Variants in RHPN2 observed in about 807,000 individuals in gnomAD.
The protein encoded by RHPN2 is rhophilin-2.
A neutral mutation model predicts 79.0 loss-of-function variants in RHPN2; 40 were observed. The observed-to-expected ratio is 0.51, with a 90% CI of 0.39 to 0.66. The LOEUF (loss-of-function observed/expected upper bound fraction) is 0.66, where lower values mean the gene tolerates loss of function less well. RHPN2 is among the 30% of genes least tolerant of loss of function. The probability of loss-of-function intolerance (pLI) is 0.00; values close to 1 mark genes in which losing one functional copy is unlikely to be tolerated. For missense variants in RHPN2, 686 were observed against 883.5 expected (o/e 0.78, Z 2.83); for synonymous variants, 285 against 363.5 (o/e 0.78, Z 2.46).
chr19:33,004,837 T>C (rs1156602738), intron 7 of RHPN2, among the ~76,000 whole-genome samples: 1 of 151,784 alleles, frequency 6.6e-6, no homozygotes, highest in Non-Finnish European at 1.5e-5. Context: ...TCTGCCTGCC[T>C]CGGCCACTGA....
intron 14 of RHPN2, among the ~76,000 whole-genome samples, chr19:32,984,138 G>A (rs1167378660): frequency 6.6e-6 from 1 of 152,122 alleles, no homozygotes; most frequent in African/African-American, 2.4e-5. Flanking sequence ...CCTAATTCCA[G>A]AGCTTGATTC....
chr19:33,050,678 T>A (rs1048661033), intron 1 of RHPN2, among the ~76,000 whole-genome samples: 2 of 152,178 alleles, frequency 1.3e-5, no homozygotes, highest in Non-Finnish European at 2.9e-5. Flanking sequence ...CAGTAGTTTG[T>A]TCCTTTTTTT....
chr19:33,045,816 A>G (rs1972138330), intron 1 of RHPN2, among the ~76,000 whole-genome samples: 2 of 152,172 alleles, frequency 1.3e-5, no homozygotes, highest in African/African-American at 4.8e-5. Context: ...CCTAAAAAAA[A>G]AGCAAGTAGC....
At chr19:33,019,018 C>T (rs1444819457) in intron 4 of RHPN2, among the ~76,000 whole-genome samples, 11 of 119,042 alleles carry the variant, frequency 9.2e-5, no homozygotes, top group African/African-American at 3.2e-4. Flanking sequence ...GCAACAAGAG[C>T]GAAACTCCAG....
At chr19:32,981,510 G>GAA (rs201890754) in intron 14 of RHPN2, among the ~76,000 whole-genome samples, 2 of 131,168 alleles carry the variant, frequency 1.5e-5, no homozygotes. Context: ...CAAGGGAAGG[G>GAA]AAAAAAAAAA....
At chr19:33,034,025 A>ATTTTTTTTTTTAATTTTAGT (rs1555713548) in intron 2 of RHPN2, among the ~76,000 whole-genome samples, 1 of 146,516 alleles carries the variant, frequency 6.8e-6, no homozygotes, top group Non-Finnish European at 1.5e-5. Flanking sequence ...TTGGCAAAAC[A>ATTTTTTTTTTTAATTTTAGT]TTTTTTTTTT....
intron 1 of RHPN2, among the ~76,000 whole-genome samples, chr19:33,049,907 T>C (rs1972173466): frequency 6.6e-6 from 1 of 152,104 alleles, no homozygotes; most frequent in South Asian, 2.1e-4. Context: ...TAGGAATGCA[T>C]GCAACCCCCA....
chr19:33,040,773 C>T (rs1365755354), intron 2 of RHPN2, among the ~76,000 whole-genome samples: 2 of 151,546 alleles, frequency 1.3e-5, no homozygotes, highest in Admixed American at 6.6e-5. Flanking sequence ...TGGCCAACAC[C>T]GTGAAACCCT....
intron 2 of RHPN2, among the ~76,000 whole-genome samples, chr19:33,038,813 A>G (rs1166407677): frequency 2.6e-5 from 4 of 152,114 alleles, no homozygotes; most frequent in Non-Finnish European, 4.4e-5. Flanking sequence ...GTGTGCCACC[A>G]CGCGTGGCTA....
At chr19:33,032,318 A>G (rs1037867541) in intron 2 of RHPN2, among the ~76,000 whole-genome samples, 4 of 152,114 alleles carry the variant, frequency 2.6e-5, no homozygotes, top group African/African-American at 9.7e-5. Context: ...TGACCAGCCT[A>G]ATGCAGGGTT....
At chr19:32,999,779 T>C (rs8109247) in intron 9 of RHPN2, 74 bp from the exon 10 acceptor site, 1,182,937 of 1,575,914 alleles carry the variant, frequency 0.75, 446,794 homozygotes, top group African/African-American at 0.94. Context: ...TTCTCTACCA[T>C]GTCTCCAGCT....
At chr19:32,980,285 G>T (rs376522964) in intron 14 of RHPN2, 29 bp from the exon 15 acceptor site, 2 of 1,613,800 alleles carry the variant, frequency 1.2e-6, no homozygotes, top group South Asian at 1.1e-5. Context: ...GAAAAAGGGC[G>T]TCAGGCATCA....
chr19:33,045,153 G>A (rs552041440), intron 1 of RHPN2, among the ~76,000 whole-genome samples: 108 of 150,014 alleles, frequency 7.2e-4, no homozygotes, highest in Admixed American at 1.6e-3. Flanking sequence ...CTGGGTTCAA[G>A]TGATTCTCAT....
intron 2 of RHPN2, among the ~76,000 whole-genome samples, chr19:33,037,502 C>G (rs1434324000): frequency 1.3e-5 from 2 of 152,236 alleles, no homozygotes; most frequent in Non-Finnish European, 2.9e-5. Context: ...AATCTTGCTG[C>G]TGCTCACTCT....
At chr19:33,023,682 G>A (rs978088184) in intron 3 of RHPN2, among the ~76,000 whole-genome samples, 2 of 151,656 alleles carry the variant, frequency 1.3e-5, no homozygotes, top group African/African-American at 4.8e-5. Flanking sequence ...CTACTCGGGA[G>A]GCTGAGGCAG....
chr19:33,053,971 C>T (rs748272709), intron 1 of RHPN2, among the ~76,000 whole-genome samples: 5 of 152,084 alleles, frequency 3.3e-5, no homozygotes, highest in Non-Finnish European at 5.9e-5. Flanking sequence ...GCAATCCTCC[C>T]ACCTCAGCCT....
intron 4 of RHPN2, among the ~76,000 whole-genome samples, chr19:33,019,281 C>T (rs1057160884): frequency 2.6e-5 from 4 of 151,572 alleles, no homozygotes; most frequent in Non-Finnish European, 2.9e-5. Flanking sequence ...TCTGTCTTTA[C>T]GAAAAATACA....
intron 14 of RHPN2, among the ~76,000 whole-genome samples, chr19:32,981,628 T>C (rs1971575756): frequency 6.6e-6 from 1 of 151,924 alleles, no homozygotes; most frequent in African/African-American, 2.4e-5. Flanking sequence ...TACCTAAGTA[T>C]ATTACCATTC....
chr19:33,042,116 G>A (rs973727058), intron 2 of RHPN2, among the ~76,000 whole-genome samples: 1 of 151,964 alleles, frequency 6.6e-6, no homozygotes, highest in Non-Finnish European at 1.5e-5. Context: ...TTGAACATGG[G>A]AGGCAGAGGT....
Sources: allele counts gnomAD v4.1 joint callset (sites outside exome capture counted in the v4.1 genomes callset), GRCh38; gene constraint gnomAD v4.1.1; transcripts MANE v1.5; gene names NCBI Gene and HGNC (gene_info 2026-07-23, HGNC 2026-07-21).